The following SLC24A2 variants were observed in gnomAD, a reference collection of about 807,000 sequenced individuals.
SLC24A2 encodes the protein solute carrier family 24 member 2.
Under a neutral mutation model 62.0 loss-of-function variants are expected in SLC24A2, and 36 were observed. The ratio of observed to expected loss-of-function variants is 0.58; its 90% CI spans 0.44 to 0.77. The LOEUF is 0.77. Ranked by LOEUF, SLC24A2 falls within the 30% of genes least tolerant of loss-of-function variation. SLC24A2 has a pLI of 0.00. For missense variants in SLC24A2, 846 were observed against 817.9 expected, an observed-to-expected ratio of 1.03 and a Z score of -0.42; for synonymous variants, 358 against 294.0, an observed-to-expected ratio of 1.22 and a Z score of -2.23.
chr9:20,143,150 G>C, the SLC24A2 span, among the ~76,000 whole-genome samples: 1 of 152,144 alleles, frequency 6.6e-6, no homozygotes. Flanking sequence ...CCAATAGTGA[G>C]GTGAGTGGAA....
chr9:19,579,084 A>T (rs948931757), intron 5 of SLC24A2, among the ~76,000 whole-genome samples: 7 of 152,242 alleles, frequency 4.6e-5, no homozygotes, highest in African/African-American at 1.7e-4. Flanking sequence ...GTTGAAGGTC[A>T]GCATTAGATT....
intron 2 of SLC24A2, among the ~76,000 whole-genome samples, chr9:19,764,725 G>C (rs1420855118): frequency 6.6e-6 from 1 of 152,106 alleles, no homozygotes; most frequent in African/African-American, 2.4e-5. Flanking sequence ...CAATTATGTG[G>C]TTGATTTTAG....
At position 19,607,692 on chromosome 9, in the gene SLC24A2, C is replaced by A. The variant is rs1030098383; in HGVS notation, c.1079-10413G>T. On this transcript the variant is annotated intron_variant, in intron 4 of 10. Coordinates refer to ENST00000341998, the MANE Select transcript of SLC24A2 (RefSeq NM_020344.4). The stretch of plus-strand genomic sequence containing the variant: ...CAAGATCGTGCCACTGCATTCCAGC[C>A]TAGGTGATAGAGTGAGACTCTGTCT... Among the ~76,000 whole-genome samples, 3 of 136,612 alleles carry A rather than the reference C, an allele frequency of 2.2e-5. No individual in the cohort carries two copies. In the East Asian group the frequency reaches 6.3e-4, roughly 29 times the overall value. The allele number at this position is 136,612 out of a possible 152,430, so 89.6% of individuals were successfully genotyped here.
At chr9:19,869,233 G>A in the SLC24A2 span, among the ~76,000 whole-genome samples, 2 of 152,032 alleles carry the variant, frequency 1.3e-5, no homozygotes, top group Admixed American at 1.3e-4. Context: ...CTCCTGCCTC[G>A]GACTCCCAAG....
chr9:20,006,302 C>T, the SLC24A2 span, among the ~76,000 whole-genome samples: 1 of 150,406 alleles, frequency 6.6e-6, no homozygotes, highest in Non-Finnish European at 1.5e-5. Flanking sequence ...ATTAATTGCT[C>T]AGAGTATTCA....
At position 19,702,911 on chromosome 9, in the gene SLC24A2, T is replaced by C. The variant is rs531298560; in HGVS notation, c.931-80612A>G. On this transcript the variant is annotated intron_variant, in intron 2 of 10. Transcript: ENST00000341998. ...ATACATATAGCAAAACATCATGTTG[T>C]GCACCATAAATATATACATTTATAT... 5.3e-5 allele frequency among the ~76,000 whole-genome samples: 8 copies of C among 152,206 alleles called. No homozygotes were observed. The East Asian group carries it at 1.5e-3, about 29-fold the overall frequency.
intron 2 of SLC24A2, among the ~76,000 whole-genome samples, chr9:19,741,170 G>A (rs115637571): frequency 2.1e-3 from 317 of 152,186 alleles, no homozygotes; most frequent in African/African-American, 6.8e-3. Flanking sequence ...TATTGATTCC[G>A]CTCTTGCCTC....
the SLC24A2 span, among the ~76,000 whole-genome samples, chr9:20,291,521 T>C: frequency 6.6e-6 from 1 of 152,142 alleles, no homozygotes; most frequent in Non-Finnish European, 1.5e-5. Context: ...AAGGATGCTA[T>C]GGCAGACACC....
At chr9:19,845,676 T>C in the SLC24A2 span, among the ~76,000 whole-genome samples, 3,698 of 152,280 alleles carry the variant, frequency 0.024, 164 homozygotes, top group African/African-American at 0.084. Context: ...TTAGGTGTGA[T>C]GTCAGAACAT....
the SLC24A2 span, among the ~76,000 whole-genome samples, chr9:20,109,277 G>C: frequency 6.6e-6 from 1 of 152,144 alleles, no homozygotes; most frequent in Non-Finnish European, 1.5e-5. Flanking sequence ...ACTAGTGAAC[G>C]AGATTATGCA....
In SLC24A2 at chr9:19,689,407, C is replaced by A. The variant is rs144765590; in HGVS notation, c.931-67108G>T. Reference sequence around the variant, plus strand: ...CAGCTCCTATGATTTGATATTCTGACTAGTAAGGGGAGCTGCTGAAAGCAT... The same window carrying A: ...CAGCTCCTATGATTTGATATTCTGAATAGTAAGGGGAGCTGCTGAAAGCAT... On this transcript the variant is annotated intron_variant, in intron 2 of 10. Transcript: ENST00000341998. Among the ~76,000 whole-genome samples, 26 of 152,250 alleles carry A rather than the reference C, an allele frequency of 1.7e-4. No homozygotes were observed. The East Asian group carries it at 5.0e-3, about 29-fold the overall frequency.
chr9:19,776,775 G>A (rs920590310), intron 2 of SLC24A2, among the ~76,000 whole-genome samples: 1 of 152,208 alleles, frequency 6.6e-6, no homozygotes, highest in African/African-American at 2.4e-5. Flanking sequence ...CTTCTGTTTA[G>A]GGTGAATGTA....
At chr9:19,564,148 A>G (rs1835552633) in intron 7 of SLC24A2, among the ~76,000 whole-genome samples, 1 of 152,056 alleles carries the variant, frequency 6.6e-6, no homozygotes, top group South Asian at 2.1e-4. Flanking sequence ...GTGAGCCACC[A>G]TGCCTGGCCA....
chr9:19,524,561 C>G (rs1048498827), intron 9 of SLC24A2, among the ~76,000 whole-genome samples: 12 of 152,016 alleles, frequency 7.9e-5, no homozygotes, highest in Non-Finnish European at 1.2e-4. Flanking sequence ...CACTATATAA[C>G]TGCTATGGAT....
chr9:19,870,454 ATGC>A, the SLC24A2 span, among the ~76,000 whole-genome samples: 1 of 152,152 alleles, frequency 6.6e-6, no homozygotes, highest in African/African-American at 2.4e-5. Flanking sequence ...ATTATGAATA[ATGC>A]TGCTATGAAC....
chr9:19,548,330 G>C (rs542308531), intron 8 of SLC24A2, among the ~76,000 whole-genome samples: 38 of 152,080 alleles, frequency 2.5e-4, no homozygotes, highest in Non-Finnish European at 4.7e-4. Context: ...CCCAAGCCAT[G>C]TGGTCACATA....
At chr9:20,214,739 T>C in the SLC24A2 span, among the ~76,000 whole-genome samples, 1 of 152,206 alleles carries the variant, frequency 6.6e-6, no homozygotes, top group East Asian at 1.9e-4. Context: ...CCCTACTAAA[T>C]TCCAAGCACT....
intron 7 of SLC24A2, among the ~76,000 whole-genome samples, chr9:19,554,637 A>G (rs1834993699): frequency 6.6e-6 from 1 of 152,210 alleles, no homozygotes; most frequent in Non-Finnish European, 1.5e-5. Context: ...GTTCTGGCCA[A>G]AGGATGTATT....
At chr9:20,224,506 A>C in the SLC24A2 span, among the ~76,000 whole-genome samples, 2 of 152,172 alleles carry the variant, frequency 1.3e-5, no homozygotes, top group South Asian at 4.1e-4. Context: ...CAGAAAAAAT[A>C]GATTGATTAA....
Sources: gnomAD v4.1 joint callset for allele counts (sites outside exome capture counted in the v4.1 genomes callset) on GRCh38, gnomAD v4.1.1 for gene constraint, MANE v1.5 for transcripts, NCBI Gene and HGNC (gene_info 2026-07-23, HGNC 2026-07-21) for gene names.